COL26A1: variants seen among roughly 807,000 people sequenced by gnomAD.
COL26A1 encodes the protein collagen alpha-1(XXVI) chain.
In COL26A1, 41 loss-of-function variants were observed where a neutral mutation model predicts 59.3. The observed-to-expected ratio is 0.69, with a 90% confidence interval of 0.54 to 0.90. The LOEUF is 0.90. Among genes scored for constraint, COL26A1 ranks in the 40% least tolerant of loss-of-function variants. The probability of loss-of-function intolerance (pLI) is 0.00; values close to 1 mark genes in which losing one functional copy is unlikely to be tolerated. For synonymous variants in COL26A1, 266 were observed against 256.0 expected, an observed-to-expected ratio of 1.04 and a Z score of -0.37; for missense variants, 612 against 602.3, an observed-to-expected ratio of 1.02 and a Z score of -0.17.
chr7:101,470,665 C>T lies in COL26A1; in HGVS notation c.385+22878C>T, dbSNP rs117750321. On this transcript the variant is annotated intron_variant, in intron 3 of 12. Transcript: ENST00000313669. ...AGCTTCTCTATCTTTTCTGAGTATCCGCTGTCCCAGAACATTCAGGTGCTT... is the reference window on the plus strand; with the variant it reads ...AGCTTCTCTATCTTTTCTGAGTATCTGCTGTCCCAGAACATTCAGGTGCTT... Among the ~76,000 whole-genome samples, 334 of 152,098 alleles carry T rather than the reference C, an allele frequency of 2.2e-3. 2 individuals are homozygous for T. In the East Asian group the frequency reaches 0.031, roughly 14 times the overall value.
chr7:101,555,757 C>T, intron 11 of COL26A1, 30 bp from the exon 12 acceptor site: 2 of 1,577,380 alleles, frequency 1.3e-6, no homozygotes, highest in Non-Finnish European at 1.7e-6. Flanking sequence ...TCATGGCCGG[C>T]CCTGACCCTG....
chr7:101,509,524 T>C (rs1317794104), intron 3 of COL26A1, among the ~76,000 whole-genome samples: 1 of 152,146 alleles, frequency 6.6e-6, no homozygotes, highest in Non-Finnish European at 1.5e-5. Flanking sequence ...AGCAATGGCA[T>C]CTCACTAAGG....
At position 101,466,209 on chromosome 7, in the gene COL26A1, C is replaced by T. The variant is rs909412603; in HGVS notation, c.385+18422C>T. ...ACTAGTTCTGTGGGCTGGTCGCTTC[C>T]TGTCTGAACCTCCATTTGCTCATCT... On this transcript the variant is annotated intron_variant, in intron 3 of 12. Coordinates refer to ENST00000313669, the MANE Select transcript of COL26A1 (RefSeq NM_001278563.3). Among the ~76,000 whole-genome samples the T allele has an allele frequency of 2.0e-5, 3 of 152,110 alleles. No homozygotes were observed. In the East Asian group the frequency reaches 5.8e-4, roughly 29 times the overall value.
At chr7:101,403,473 T>C (rs1242962358) in intron 1 of COL26A1, among the ~76,000 whole-genome samples, 1 of 151,848 alleles carries the variant, frequency 6.6e-6, no homozygotes, top group Admixed American at 6.6e-5. Flanking sequence ...GAGCTGAGAT[T>C]ATGCTACTGC....
At chr7:101,369,985 C>T (rs1791147006) in intron 1 of COL26A1, among the ~76,000 whole-genome samples, 1 of 151,940 alleles carries the variant, frequency 6.6e-6, no homozygotes, top group African/African-American at 2.4e-5. Context: ...GCTTCAGCCT[C>T]CGTAGTAGCT....
At chr7:101,381,931 G>C (rs1043391639) in intron 1 of COL26A1, among the ~76,000 whole-genome samples, 1 of 152,166 alleles carries the variant, frequency 6.6e-6, no homozygotes, top group Non-Finnish European at 1.5e-5. Context: ...CTGATCTTAG[G>C]CTCCAAAAAG....
chr7:101,556,885 ATGAC>A (rs1031175930), intron 12 of COL26A1, among the ~76,000 whole-genome samples: 11 of 130,906 alleles, frequency 8.4e-5, no homozygotes, highest in Non-Finnish European at 1.5e-4. Flanking sequence ...AGATAAATGA[ATGAC>A]TGAGTGGATG....
chr7:101,402,294 A>AT (rs1422484142), intron 1 of COL26A1, among the ~76,000 whole-genome samples: 1 of 152,118 alleles, frequency 6.6e-6, no homozygotes, highest in Non-Finnish European at 1.5e-5. Context: ...CTTATCAGGG[A>AT]TTTTCCCCCC....
intron 3 of COL26A1, among the ~76,000 whole-genome samples, chr7:101,485,118 T>C (rs1794240510): frequency 6.6e-6 from 1 of 152,062 alleles, no homozygotes; most frequent in African/African-American, 2.4e-5. Context: ...TCCCAAAGTG[T>C]TGGGATTACA....
At chr7:101,486,456 A>G (rs1794271697) in intron 3 of COL26A1, among the ~76,000 whole-genome samples, 1 of 152,236 alleles carries the variant, frequency 6.6e-6, no homozygotes. Context: ...AGACTTGCAC[A>G]GGCAGGTCCC....
At chr7:101,471,826 C>T (rs1212178444) in intron 3 of COL26A1, among the ~76,000 whole-genome samples, 1 of 151,944 alleles carries the variant, frequency 6.6e-6, no homozygotes, top group Non-Finnish European at 1.5e-5. Flanking sequence ...GTGATCTGCC[C>T]ACCTTGGCCT....
chr7:101,527,613 C>G (rs1360808374), intron 3 of COL26A1, among the ~76,000 whole-genome samples: 1 of 152,156 alleles, frequency 6.6e-6, no homozygotes, highest in Non-Finnish European at 1.5e-5. Flanking sequence ...GGATTACAGG[C>G]GTGAGCCACC....
intron 3 of COL26A1, among the ~76,000 whole-genome samples, chr7:101,466,828 G>GTA (rs1297985408): frequency 7.7e-6 from 1 of 129,522 alleles, no homozygotes; most frequent in Admixed American, 7.7e-5. Context: ...GTGTGTGTGT[G>GTA]TGTGTGTGTG....
intron 2 of COL26A1, 38 bp downstream of exon 2, chr7:101,420,137 C>T: frequency 5.6e-6 from 9 of 1,606,224 alleles, no homozygotes; most frequent in Non-Finnish European, 7.6e-6. Flanking sequence ...GCCCTTCCCT[C>T]CCATTCCCTC....
chr7:101,463,429 T>A (rs1176340943), intron 3 of COL26A1, among the ~76,000 whole-genome samples: 1 of 152,156 alleles, frequency 6.6e-6, no homozygotes, highest in African/African-American at 2.4e-5. Context: ...TTGGGTTGCT[T>A]TTACTTCTTG....
intron 1 of COL26A1, among the ~76,000 whole-genome samples, chr7:101,370,100 A>C (rs1193115829): frequency 6.6e-6 from 1 of 152,056 alleles, no homozygotes; most frequent in Non-Finnish European, 1.5e-5. Context: ...ACTTCAGGTG[A>C]TCCACCCGCC....
At chr7:101,411,457 A>G (rs1262511653) in intron 1 of COL26A1, among the ~76,000 whole-genome samples, 1 of 152,024 alleles carries the variant, frequency 6.6e-6, no homozygotes, top group Non-Finnish European at 1.5e-5. Flanking sequence ...GTTCAGGACC[A>G]CCATGGGAGG....
rs60481013 is a variant in COL26A1 at position 101,451,707 on chromosome 7, CT to C, written c.385+3937del. ...TCTACTGAAAAGAAATCATTTGCAT[CT>C]TTTTTTTTTTTTTTTTGACGGAGTC... is the stretch of plus-strand genomic sequence containing the variant. On this transcript the variant is annotated intron_variant, in intron 3 of 12. Transcript: ENST00000313669. 2.1e-3 allele frequency among the ~76,000 whole-genome samples: 287 copies of C among 139,090 alleles called. 3 individuals carry two copies. The highest frequency in any genetic ancestry group is 2.3e-3 in the Admixed American group (31 of 13,588). The allele number at this position is 139,090 out of a possible 152,430, so 91.2% of individuals were successfully genotyped here. A position where few individuals can be genotyped will look rare whatever the true frequency, so the allele number is the denominator to read the frequency against.
rs1026443772 is a variant in COL26A1, at chr7:101,558,985, G to A, written c.*1455G>A. 4 of 152,320 alleles carry A rather than the reference G, an allele frequency of 2.6e-5. No homozygotes were observed. The highest frequency in any genetic ancestry group is 9.7e-5 in the African/African-American group (4 of 41,450). The allele number at this position is 152,320 out of a possible 1,614,324, so 9.4% of individuals were successfully genotyped here. A position where few individuals can be genotyped will look rare whatever the true frequency, so the allele number is the denominator to read the frequency against. ...AGGCGGGCGGGACCACCAGCCTGTAGCGTTATTATTATATGTGACAATAAA... is the reference window on the plus strand; with the variant it reads ...AGGCGGGCGGGACCACCAGCCTGTAACGTTATTATTATATGTGACAATAAA... On this transcript the variant is annotated 3_prime_UTR_variant, in exon 13 of 13. Transcript: ENST00000313669.
Sources: allele counts gnomAD v4.1 joint callset (sites outside exome capture counted in the v4.1 genomes callset), GRCh38; gene constraint gnomAD v4.1.1; transcripts MANE v1.5; gene names NCBI Gene and HGNC (gene_info 2026-07-23, HGNC 2026-07-21).